ZBTB20: variants seen among roughly 807,000 people sequenced by gnomAD.
The protein encoded by ZBTB20 is zinc finger and BTB domain containing 20, also known as zinc finger and BTB domain-containing protein 20.
ZBTB20 carries 9 observed loss-of-function variants against 56.9 expected under a neutral mutation model. The ratio of observed to expected loss-of-function variants is 0.16; its 90% CI spans 0.10 to 0.28. The LOEUF is 0.28. Among genes scored for constraint, ZBTB20 ranks in the 10% least tolerant of loss-of-function variants. The probability of loss-of-function intolerance (pLI) is 1.00; values close to 1 mark genes in which losing one functional copy is unlikely to be tolerated. For missense variants in ZBTB20, 655 were observed against 1,003.0 expected (o/e 0.65, Z 4.69); for synonymous variants, 417 against 420.7 (o/e 0.99, Z 0.11).
chr3:114,498,479 C>T (rs1448606412), intron 7 of ZBTB20, among the ~76,000 whole-genome samples: 1 of 152,086 alleles, frequency 6.6e-6, no homozygotes, highest in Non-Finnish European at 1.5e-5. Flanking sequence ...TTTGTCGAGC[C>T]TCTGGGGCAC....
At position 114,338,948 on chromosome 3, in the gene ZBTB20, TTG is replaced by T; in HGVS notation, c.*55_*56del. ...AATTCTAGTGCCATAGCTTTTTTGT[TTG>T]TTTGTTTTTTGTTGTTGTTTTGTTT... On this transcript the variant is annotated 3_prime_UTR_variant, in exon 12 of 12. Transcript: ENST00000675478. 1 of 1,440,336 alleles carries T rather than the reference TTG, an allele frequency of 6.9e-7. No homozygotes were observed. The highest frequency in any genetic ancestry group is 9.2e-7 in the Non-Finnish European group (1 of 1,086,382). 89.2% of individuals were successfully genotyped at this position (1,440,336 alleles called of 1,614,324 possible).
intron 4 of ZBTB20, among the ~76,000 whole-genome samples, chr3:114,855,849 C>T (rs2075226949): frequency 6.6e-6 from 1 of 152,092 alleles, no homozygotes; most frequent in South Asian, 2.1e-4. Context: ...GAAAATTATC[C>T]CTAAAATAAC....
chr3:114,783,505 A>G (rs1360669659), intron 5 of ZBTB20, among the ~76,000 whole-genome samples: 1 of 152,100 alleles, frequency 6.6e-6, no homozygotes, highest in Non-Finnish European at 1.5e-5. Flanking sequence ...CTGTTAAGAT[A>G]CATCTTTTGG....
intron 4 of ZBTB20, among the ~76,000 whole-genome samples, chr3:114,890,971 C>G (rs1200856384): frequency 6.6e-6 from 1 of 152,040 alleles, no homozygotes; most frequent in Non-Finnish European, 1.5e-5. Flanking sequence ...TTCCTTATGT[C>G]CTATGCTTCA....
intron 4 of ZBTB20, among the ~76,000 whole-genome samples, chr3:114,831,331 T>A (rs942257167): frequency 1.3e-5 from 2 of 151,874 alleles, no homozygotes; most frequent in Non-Finnish European, 2.9e-5. Flanking sequence ...AAATCCAGGC[T>A]TTACCAATTA....
chr3:114,594,307 A>T (rs1202764299), intron 6 of ZBTB20, among the ~76,000 whole-genome samples: 1 of 138,858 alleles, frequency 7.2e-6, no homozygotes, highest in Non-Finnish European at 1.5e-5. Context: ...TTGCTCTGTC[A>T]CCAGGCTGGA....
chr3:114,957,934 C>T (rs1344744825), intron 3 of ZBTB20, among the ~76,000 whole-genome samples: 1 of 152,188 alleles, frequency 6.6e-6, no homozygotes, highest in East Asian at 1.9e-4. Flanking sequence ...TAGCACCCAT[C>T]AATCTAATAC....
chr3:115,121,295 T>G (rs1274424891), intron 1 of ZBTB20, among the ~76,000 whole-genome samples: 1 of 152,066 alleles, frequency 6.6e-6, no homozygotes, highest in African/African-American at 2.4e-5. Flanking sequence ...AATAAATGAT[T>G]CCCTTGTACC....
chr3:114,829,038 T>C (rs1393306736), intron 4 of ZBTB20, among the ~76,000 whole-genome samples: 1 of 151,766 alleles, frequency 6.6e-6, no homozygotes, highest in Admixed American at 6.6e-5. Flanking sequence ...GTGTGAAAAA[T>C]TGGGGATCTT....
chr3:114,679,462 A>C (rs1273059037), intron 6 of ZBTB20, among the ~76,000 whole-genome samples: 1 of 152,224 alleles, frequency 6.6e-6, no homozygotes, highest in African/African-American at 2.4e-5. Flanking sequence ...ACCCCATCAA[A>C]AAGTGGGCAA....
At chr3:114,896,668 T>TA (rs1227390935) in intron 4 of ZBTB20, among the ~76,000 whole-genome samples, 4 of 152,094 alleles carry the variant, frequency 2.6e-5, no homozygotes, top group Non-Finnish European at 2.9e-5. Flanking sequence ...ATGAAAGTGT[T>TA]ATATAGAGAT....
chr3:114,893,503 T>G (rs1044126238), intron 4 of ZBTB20, among the ~76,000 whole-genome samples: 3 of 152,168 alleles, frequency 2.0e-5, no homozygotes, highest in Non-Finnish European at 4.4e-5. Flanking sequence ...GTTGGAAAAC[T>G]TATGTAAGGT....
chr3:114,996,887 C>T (rs1224949594), intron 2 of ZBTB20, among the ~76,000 whole-genome samples: 1 of 151,866 alleles, frequency 6.6e-6, no homozygotes, highest in Non-Finnish European at 1.5e-5. Flanking sequence ...AAAAAAAGCT[C>T]ATCATCACTG....
intron 6 of ZBTB20, among the ~76,000 whole-genome samples, chr3:114,530,414 A>G (rs2047712296): frequency 6.6e-6 from 1 of 152,216 alleles, no homozygotes; most frequent in African/African-American, 2.4e-5. Flanking sequence ...AATAGGCTAT[A>G]TCATATAGCC....
At chr3:114,955,960 G>C (rs2077232776) in intron 3 of ZBTB20, among the ~76,000 whole-genome samples, 1 of 152,106 alleles carries the variant, frequency 6.6e-6, no homozygotes, top group Admixed American at 6.6e-5. Context: ...TAAATCTAAA[G>C]TTTGGTGCCA....
chr3:114,527,506 G>A (rs999205580), intron 6 of ZBTB20, among the ~76,000 whole-genome samples: 1 of 152,144 alleles, frequency 6.6e-6, no homozygotes, highest in African/African-American at 2.4e-5. Context: ...CTTGGAGCTG[G>A]TTTTTATATA....
At chr3:114,456,221 A>T (rs563674035) in intron 7 of ZBTB20, among the ~76,000 whole-genome samples, 1 of 152,062 alleles carries the variant, frequency 6.6e-6, no homozygotes, top group Non-Finnish European at 1.5e-5. Context: ...ATGGAGAGAG[A>T]GAGAGAGAGA....
intron 6 of ZBTB20, among the ~76,000 whole-genome samples, chr3:114,517,114 A>AT (rs2046093025): frequency 1.3e-5 from 2 of 152,310 alleles, no homozygotes; most frequent in South Asian, 2.1e-4. Flanking sequence ...ACGTTACTGC[A>AT]TTTTTTGTTC....
chr3:115,027,286 T>C (rs1176382271), intron 2 of ZBTB20, among the ~76,000 whole-genome samples: 1 of 150,988 alleles, frequency 6.6e-6, no homozygotes, highest in Non-Finnish European at 1.5e-5. Flanking sequence ...TGTTCTTTCA[T>C]TAAGGGAAAT....
Sources: gnomAD v4.1 joint callset for allele counts (sites outside exome capture counted in the v4.1 genomes callset) on GRCh38, gnomAD v4.1.1 for gene constraint, MANE v1.5 for transcripts, NCBI Gene and HGNC (gene_info 2026-07-23, HGNC 2026-07-21) for gene names.